Variants in USP12 observed in about 807,000 individuals in gnomAD.
USP12 encodes the protein ubiquitin specific peptidase 12, also known as ubiquitin carboxyl-terminal hydrolase 12.
USP12 carries 19 observed loss-of-function variants against 45.5 expected under a neutral mutation model. The observed-to-expected ratio is 0.42, with a 90% CI of 0.29 to 0.61. The LOEUF (loss-of-function observed/expected upper bound fraction) is 0.61, where lower values mean the gene tolerates loss of function less well. Ranked by LOEUF, USP12 falls within the 20% of genes least tolerant of loss-of-function variation. USP12 has a pLI of 0.22. For synonymous variants in USP12, 149 were observed against 148.8 expected (o/e 1.00, Z -0.01); for missense variants, 242 against 447.7 (o/e 0.54, Z 4.15).
chr13:27,082,077 C>T (rs888571834), intron 6 of USP12, among the ~76,000 whole-genome samples: 4 of 152,176 alleles, frequency 2.6e-5, no homozygotes, highest in African/African-American at 7.2e-5. Flanking sequence ...CTGCATTAAC[C>T]GCTAACCAGA....
chr13:27,113,406 T>C lies in USP12; in HGVS notation c.129+3110A>G, dbSNP rs151268178. Among the ~76,000 whole-genome samples, 167 of 152,338 alleles carry C rather than the reference T, an allele frequency of 1.1e-3. No individual in the cohort carries two copies. The Middle Eastern group carries it at 0.014, about 12-fold the overall frequency. ...GGTGATGGTGCCTGTTCTGTGAACA[T>C]GCTAAGATGTTCTAAGGGAATGCCC... On this transcript the variant is annotated intron_variant, in intron 2 of 8. Transcript: ENST00000282344.
intron 6 of USP12, among the ~76,000 whole-genome samples, chr13:27,080,743 A>ACCGCAATAAAGTGAG (rs1873714094): frequency 3.9e-5 from 6 of 152,232 alleles, no homozygotes; most frequent in Non-Finnish European, 8.8e-5. Context: ...AATAAAGTGA[A>ACCGCAATAAAGTGAG]GACCGCAATA....
chr13:27,128,364 T>C (rs1248756538), intron 1 of USP12, among the ~76,000 whole-genome samples: 1 of 152,192 alleles, frequency 6.6e-6, no homozygotes, highest in African/African-American at 2.4e-5. Flanking sequence ...TTCTCAAATA[T>C]GACCAAACTC....
chr13:27,171,757 A>C lies in USP12; in HGVS notation c.-118T>G. The C allele has an allele frequency of 3.9e-6, 2 of 511,146 alleles. No homozygotes were observed. The highest frequency in any genetic ancestry group is 5.1e-6 in the Non-Finnish European group (2 of 389,152). 31.7% of individuals were successfully genotyped at this position (511,146 alleles called of 1,614,324 possible). A position where few individuals can be genotyped will look rare whatever the true frequency, so the allele number is the denominator to read the frequency against. On this transcript the variant is annotated 5_prime_UTR_variant, in exon 1 of 9. Coordinates refer to ENST00000282344, the MANE Select transcript of USP12 (RefSeq NM_182488.4). ...CGGACCCCGAGCCGCCGCGGACCCA[A>C]CCACCGAGCCCGCTGGGCCGCCGCT... is the stretch of plus-strand genomic sequence containing the variant.
intron 1 of USP12, among the ~76,000 whole-genome samples, chr13:27,131,059 A>G (rs1385204719): frequency 1.3e-5 from 2 of 152,264 alleles, no homozygotes; most frequent in African/African-American, 4.8e-5. Flanking sequence ...TATGTGTGGC[A>G]TTTTCAAAAT....
chr13:27,138,271 G>C (rs1381617604), intron 1 of USP12, among the ~76,000 whole-genome samples: 2 of 152,232 alleles, frequency 1.3e-5, no homozygotes, highest in Non-Finnish European at 2.9e-5. Flanking sequence ...GAAAGGCTCA[G>C]GGAGCTGAGA....
chr13:27,088,227 C>T (rs56298640), intron 6 of USP12, among the ~76,000 whole-genome samples: 13,063 of 152,084 alleles, frequency 0.086, 649 homozygotes, highest in Middle Eastern at 0.13. Context: ...AAGACCATCC[C>T]AACACAGTGA....
intron 1 of USP12, among the ~76,000 whole-genome samples, chr13:27,152,664 C>T (rs750616756): frequency 6.6e-6 from 1 of 152,042 alleles, no homozygotes; most frequent in Admixed American, 6.5e-5. Flanking sequence ...GAATATGTGC[C>T]GGGCGTGGTG....
chr13:27,107,315 A>C (rs1875188992), intron 2 of USP12, among the ~76,000 whole-genome samples: 1 of 152,100 alleles, frequency 6.6e-6, no homozygotes, highest in South Asian at 2.1e-4. Flanking sequence ...ACAAAGTGAG[A>C]CTCTGTCTCA....
At chr13:27,094,579 A>G (rs1411174614) in intron 4 of USP12, among the ~76,000 whole-genome samples, 2 of 152,194 alleles carry the variant, frequency 1.3e-5, no homozygotes, top group African/African-American at 4.8e-5. Flanking sequence ...TGAGAGGCAG[A>G]TGGATATTGT....
intron 1 of USP12, among the ~76,000 whole-genome samples, chr13:27,136,053 G>A (rs1298369582): frequency 6.6e-6 from 1 of 152,156 alleles, no homozygotes; most frequent in Non-Finnish European, 1.5e-5. Flanking sequence ...ACACTGCTGA[G>A]AGTGGGAGAG....
chr13:27,145,012 A>G (rs1272868551), intron 1 of USP12, among the ~76,000 whole-genome samples: 3 of 152,154 alleles, frequency 2.0e-5, no homozygotes, highest in Non-Finnish European at 4.4e-5. Flanking sequence ...GGCTGCAGTG[A>G]GCCACGATCG....
chr13:27,076,058 G>T (rs1284899005), intron 6 of USP12, among the ~76,000 whole-genome samples: 1 of 145,796 alleles, frequency 6.9e-6, no homozygotes, highest in Non-Finnish European at 1.5e-5. Context: ...GAGTGGTAGA[G>T]GGAAAACAAG....
intron 7 of USP12, among the ~76,000 whole-genome samples, chr13:27,074,127 G>A (rs556495972): frequency 9.2e-5 from 14 of 152,344 alleles, no homozygotes; most frequent in Admixed American, 5.9e-4. Flanking sequence ...GAGGCCGGGC[G>A]CGGTGGCTCA....
Position 27,148,663 on chromosome 13 carries a change from C to CA in USP12, c.48+22928dup, listed in dbSNP as rs1307678724. ...CACTCCAGCCAGGGTGACAGAGACT[C>CA]AAAAAAAAAAAATTATATATATATA... On this transcript the variant is annotated intron_variant, in intron 1 of 8. Transcript: ENST00000282344. Among the ~76,000 whole-genome samples the CA allele has an allele frequency of 1.2e-3, 100 of 84,928 alleles. 1 individual carries two copies. The highest frequency in any genetic ancestry group is 1.7e-3 in the African/African-American group (42 of 24,744). 55.7% of individuals were successfully genotyped at this position (84,928 alleles called of 152,430 possible). A position where few individuals can be genotyped will look rare whatever the true frequency, so the allele number is the denominator to read the frequency against.
At chr13:27,079,584 A>C (rs917038175) in intron 6 of USP12, among the ~76,000 whole-genome samples, 10 of 152,260 alleles carry the variant, frequency 6.6e-5, no homozygotes, top group African/African-American at 2.4e-4. Context: ...CAGGCAAGCA[A>C]CACCACTATG....
At chr13:27,150,419 A>C (rs1296834904) in intron 1 of USP12, among the ~76,000 whole-genome samples, 1 of 152,212 alleles carries the variant, frequency 6.6e-6, no homozygotes, top group African/African-American at 2.4e-5. Context: ...AAAACTACAA[A>C]ATATTACTAA....
chr13:27,144,264 A>G (rs1158373598), intron 1 of USP12, among the ~76,000 whole-genome samples: 1 of 152,098 alleles, frequency 6.6e-6, no homozygotes, highest in Non-Finnish European at 1.5e-5. Context: ...TTGGGAGACC[A>G]AGGTGGAAGC....
chr13:27,109,987 T>C (rs533877617), intron 2 of USP12, among the ~76,000 whole-genome samples: 12 of 151,806 alleles, frequency 7.9e-5, no homozygotes, highest in Non-Finnish European at 1.5e-4. Context: ...TTGGATGATA[T>C]TAAGAAATTG....
Sources: allele counts gnomAD v4.1 joint callset (sites outside exome capture counted in the v4.1 genomes callset), GRCh38; gene constraint gnomAD v4.1.1; transcripts MANE v1.5; gene names NCBI Gene and HGNC (gene_info 2026-07-23, HGNC 2026-07-21).